Variants in TMEM150C observed in about 807,000 individuals in gnomAD.
TMEM150C encodes the protein transmembrane protein 150C, also known as tentonin 3.
Under a neutral mutation model 29.9 loss-of-function variants are expected in TMEM150C, and 10 were observed. The ratio of observed to expected loss-of-function variants is 0.33; its 90% CI spans 0.21 to 0.57. TMEM150C has a LOEUF of 0.57. Ranked by LOEUF, TMEM150C falls within the 20% of genes least tolerant of loss-of-function variation. TMEM150C has a pLI of 0.88. For missense variants in TMEM150C, 251 were observed against 303.6 expected (o/e 0.83, Z 1.29); for synonymous variants, 101 against 112.5 (o/e 0.90, Z 0.64).
intron 1 of TMEM150C, among the ~76,000 whole-genome samples, chr4:82,548,741 G>A (rs1213142260): frequency 1.3e-5 from 2 of 152,262 alleles, no homozygotes; most frequent in Non-Finnish European, 2.9e-5. Context: ...CACTGGGGCA[G>A]GTGGTGGGCA....
rs544430988 is a variant in TMEM150C, at chr4:82,488,171, G to A, written c.541+1890C>T. ...TCCTCACAGCTTAGCTCCCACTTATGAGTGAGAACACAGGATGTTTGGTTT... is the reference window on the plus strand; with the variant it reads ...TCCTCACAGCTTAGCTCCCACTTATAAGTGAGAACACAGGATGTTTGGTTT... On this transcript the variant is annotated intron_variant, in intron 7 of 7. Transcript: ENST00000449862. Among the ~76,000 whole-genome samples the A allele has an allele frequency of 3.2e-4, 48 of 152,252 alleles. 1 individual carries two copies. The highest frequency in any genetic ancestry group is 2.5e-3 in the South Asian group (12 of 4,822).
intron 5 of TMEM150C, among the ~76,000 whole-genome samples, chr4:82,500,907 G>A (rs1723717308): frequency 6.6e-6 from 1 of 152,194 alleles, no homozygotes; most frequent in Admixed American, 6.5e-5. Context: ...CTTAAATGAG[G>A]TAGTATTTGC....
intron 6 of TMEM150C, 24 bp from the exon 7 acceptor site, chr4:82,490,262 A>AT (rs1224456817): frequency 1.2e-6 from 2 of 1,608,710 alleles, no homozygotes; most frequent in Non-Finnish European, 1.7e-6. Context: ...GGATAATGAC[A>AT]CATGAAGGCC....
intron 1 of TMEM150C, among the ~76,000 whole-genome samples, chr4:82,544,715 G>A (rs1725303837): frequency 6.8e-6 from 1 of 147,588 alleles, no homozygotes; most frequent in Admixed American, 6.7e-5. Context: ...GCAGGTAGAG[G>A]CTGCAGTGAG....
At chr4:82,517,443 A>G (rs532749364) in intron 1 of TMEM150C, among the ~76,000 whole-genome samples, 10 of 152,318 alleles carry the variant, frequency 6.6e-5, no homozygotes, top group Admixed American at 5.9e-4. Context: ...GAATCAGTAG[A>G]CTAAGTAAAG....
At chr4:82,492,860 TTG>T (rs199875273) in intron 6 of TMEM150C, among the ~76,000 whole-genome samples, 2 of 61,304 alleles carry the variant, frequency 3.3e-5, no homozygotes, top group Non-Finnish European at 6.0e-5. Context: ...GCGTATATGT[TTG>T]TGTATATATA....
chr4:82,539,502 G>C (rs1725128277), intron 1 of TMEM150C, among the ~76,000 whole-genome samples: 1 of 151,206 alleles, frequency 6.6e-6, no homozygotes. Context: ...GCCCAGGCTG[G>C]AGTGCAGTGG....
rs372292628 is a variant in TMEM150C, at chr4:82,485,661, C to T, written c.600G>A (p.Leu200=). ...HMYAARVQWG[L]VMCFLSYFGT... is the part of the protein sequence containing the mutation. ...CAAAATAAGACAGGAAGCACATGAC[C>T]AGGCCCCACTGGACCCTGGCTGCAT... Residue 200 remains leucine (L), a synonymous_variant, in exon 8 of 8, where the codon CTG becomes CTA. Coordinates refer to ENST00000449862, the MANE Select transcript of TMEM150C (RefSeq NM_001080506.3). The T allele has an allele frequency of 2.5e-5, 40 of 1,609,680 alleles. No homozygotes were observed. Among genetic ancestry groups the T allele is most frequent in the Non-Finnish European group, 3.0e-5 (35 of 1,178,146 alleles).
chr4:82,557,660 T>A (rs1005760811), intron 1 of TMEM150C, among the ~76,000 whole-genome samples: 1 of 151,998 alleles, frequency 6.6e-6, no homozygotes, highest in African/African-American at 2.4e-5. Context: ...GAGAAACAGT[T>A]TTTAGAGTAG....
intron 1 of TMEM150C, among the ~76,000 whole-genome samples, chr4:82,542,608 A>G (rs1479285583): frequency 1.3e-5 from 2 of 152,166 alleles, no homozygotes; most frequent in African/African-American, 4.8e-5. Flanking sequence ...GTTTTCACAC[A>G]TCAAACCATG....
At chr4:82,551,325 T>C (rs1288970533) in intron 1 of TMEM150C, among the ~76,000 whole-genome samples, 3 of 152,220 alleles carry the variant, frequency 2.0e-5, no homozygotes, top group Non-Finnish European at 4.4e-5. Context: ...CTCCCCACTA[T>C]AATGTAAAGC....
intron 7 of TMEM150C, among the ~76,000 whole-genome samples, chr4:82,488,371 T>C (rs1225427041): frequency 6.6e-6 from 1 of 152,242 alleles, no homozygotes; most frequent in African/African-American, 2.4e-5. Flanking sequence ...CTGTGTGATC[T>C]TGCGCAAATT....
chr4:82,493,564 T>C (rs1384368501), intron 6 of TMEM150C, among the ~76,000 whole-genome samples: 1 of 152,202 alleles, frequency 6.6e-6, no homozygotes, highest in Non-Finnish European at 1.5e-5. Context: ...GTCTTGAGTA[T>C]GTGTGGTTCA....
chr4:82,495,776 C>A, intron 6 of TMEM150C: 1 of 390,636 alleles, frequency 2.6e-6, no homozygotes, highest in Non-Finnish European at 4.9e-6. Context: ...TCACCCAGAG[C>A]ATAAGCAGCA....
At chr4:82,540,132 T>C (rs959226366) in intron 1 of TMEM150C, among the ~76,000 whole-genome samples, 1,565 of 122,224 alleles carry the variant, frequency 0.013, 81 homozygotes, top group African/African-American at 0.044. Context: ...TTTTTTTTTT[T>C]TTTTTTTTTT....
At chr4:82,491,837 G>A (rs956264716) in intron 6 of TMEM150C, among the ~76,000 whole-genome samples, 2 of 151,606 alleles carry the variant, frequency 1.3e-5, no homozygotes, top group Admixed American at 6.6e-5. Context: ...GCCAATTCTA[G>A]GCAAGTCAAT....
At chr4:82,499,192 A>T (rs1445403881) in intron 5 of TMEM150C, among the ~76,000 whole-genome samples, 2 of 152,172 alleles carry the variant, frequency 1.3e-5, no homozygotes, top group African/African-American at 2.4e-5. Flanking sequence ...TGATTTAATT[A>T]TACCTTCCTG....
intron 1 of TMEM150C, among the ~76,000 whole-genome samples, chr4:82,543,094 C>A (rs915900975): frequency 6.6e-6 from 1 of 152,190 alleles, no homozygotes; most frequent in Non-Finnish European, 1.5e-5. Flanking sequence ...AAGTAATAAC[C>A]TGTCCAACAT....
At chr4:82,491,303 CT>C in intron 6 of TMEM150C, 2 of 679,626 alleles carry the variant, frequency 2.9e-6, no homozygotes, top group Non-Finnish European at 2.7e-6. Flanking sequence ...TCTTCTCTTG[CT>C]TTGTCTCTGG....
Sources: gnomAD v4.1 joint callset for allele counts (sites outside exome capture counted in the v4.1 genomes callset) on GRCh38, gnomAD v4.1.1 for gene constraint, MANE v1.5 for transcripts, NCBI Gene and HGNC (gene_info 2026-07-23, HGNC 2026-07-21) for gene names.